The following PARM1 variants were observed in gnomAD, a reference collection of about 807,000 sequenced individuals.
PARM1 encodes prostate androgen-regulated mucin-like protein 1.
A neutral mutation model predicts 24.6 loss-of-function variants in PARM1; 14 were observed. That is an observed-to-expected ratio of 0.57 (90% CI 0.38 to 0.89). The LOEUF is 0.89. PARM1 is among the 40% of genes least tolerant of loss of function. The probability of loss-of-function intolerance (pLI) is 0.00; values close to 1 mark genes in which losing one functional copy is unlikely to be tolerated. For missense variants in PARM1, 362 were observed against 380.4 expected (o/e 0.95, Z 0.40); for synonymous variants, 179 against 156.6 (o/e 1.14, Z -1.07).
intron 2 of PARM1, among the ~76,000 whole-genome samples, chr4:75,028,506 A>G (rs1331207212): frequency 6.6e-6 from 1 of 152,254 alleles, no homozygotes; most frequent in Non-Finnish European, 1.5e-5. Flanking sequence ...GGAAGTGGAA[A>G]GAAAAGCGCA....
At chr4:74,933,459 C>A in intron 1 of PARM1, 89 bp downstream of exon 1, 2 of 1,125,624 alleles carry the variant, frequency 1.8e-6, no homozygotes, top group Non-Finnish European at 2.7e-6. Flanking sequence ...GGAGATCCGG[C>A]AGTGAGTCGC....
intron 1 of PARM1, among the ~76,000 whole-genome samples, chr4:74,952,595 T>A (rs185129579): frequency 1.2e-4 from 18 of 152,334 alleles, no homozygotes; most frequent in African/African-American, 4.3e-4. Flanking sequence ...CTTGAGCTAA[T>A]TTTTGTATAA....
Position 75,044,630 on chromosome 4 carries a change from A to G in PARM1, c.849-1533A>G, listed in dbSNP as rs568105662. Among the ~76,000 whole-genome samples, 122 of 152,324 alleles carry G rather than the reference A, an allele frequency of 8.0e-4. No individual in the cohort carries two copies. The Middle Eastern group carries it at 0.01, about 13-fold the overall frequency. On this transcript the variant is annotated intron_variant, in intron 3 of 3. Coordinates refer to ENST00000307428, the MANE Select transcript of PARM1 (RefSeq NM_015393.4). ...TATAGTATGTTAGAAGGTGAGGAGT[A>G]CTATGAGAAATATTAAGCTGGGAGT... is the stretch of plus-strand genomic sequence containing the variant.
At chr4:74,946,920 T>C (rs371613494) in intron 1 of PARM1, among the ~76,000 whole-genome samples, 2 of 152,222 alleles carry the variant, frequency 1.3e-5, no homozygotes, top group Admixed American at 1.3e-4. Context: ...TTAATTGATT[T>C]ATTTATCTAA....
Position 74,957,601 on chromosome 4 carries a change from A to G in PARM1, c.43+24231A>G, listed in dbSNP as rs532479576. On this transcript the variant is annotated intron_variant, in intron 1 of 3. Transcript: ENST00000307428. ...TCAGCTTTTTCTAAGATGCAGAAGC[A>G]AACAGATGATTCAATATAGAGGTGC... Among the ~76,000 whole-genome samples, 20 of 152,342 alleles carry G rather than the reference A, an allele frequency of 1.3e-4. No individual in the cohort carries two copies. The South Asian group carries it at 3.3e-3, about 25-fold the overall frequency.
At position 75,047,391 on chromosome 4, in the gene PARM1, T is replaced by C. The variant is rs1723627876; in HGVS notation, c.*1144T>C. ...TATTCTTCCCACACACTTACCTTAC[T>C]AAGTCTTTGCTTTAATAAATGAGCA... On this transcript the variant is annotated 3_prime_UTR_variant, in exon 4 of 4. Transcript: ENST00000307428. The C allele has an allele frequency of 6.6e-6, 1 of 152,396 alleles. No homozygotes were observed. Among genetic ancestry groups the C allele is most frequent in the Middle Eastern group, 3.4e-3 (1 of 294 alleles). The allele number at this position is 152,396 out of a possible 1,614,324, so 9.4% of individuals were successfully genotyped here. A position where few individuals can be genotyped will look rare whatever the true frequency, so the allele number is the denominator to read the frequency against.
intron 1 of PARM1, among the ~76,000 whole-genome samples, chr4:74,947,451 A>G (rs569521545): frequency 1.9e-4 from 29 of 152,368 alleles, no homozygotes; most frequent in African/African-American, 5.8e-4. Context: ...GCCAATCACA[A>G]TTATGAACTT....
At position 75,032,038 on chromosome 4, in the gene PARM1, G is replaced by A. The variant is rs186216576; in HGVS notation, c.770-1845G>A. 3.1e-4 allele frequency among the ~76,000 whole-genome samples: 47 copies of A among 152,136 alleles called. 1 individual carries two copies. The highest frequency in any genetic ancestry group is 4.1e-4 in the Non-Finnish European group (28 of 68,018). On this transcript the variant is annotated intron_variant, in intron 2 of 3. Coordinates refer to ENST00000307428, the MANE Select transcript of PARM1 (RefSeq NM_015393.4). ...AACTGACCTCGGACTTTCTCTGCTT[G>A]ACCCAGTCTGCACATTTGAGCATTC...
rs116301145 is a variant in PARM1 at position 75,013,353 on chromosome 4, T to G, written c.769+203T>G. On this transcript the variant is annotated intron_variant, in intron 2 of 3. Coordinates refer to ENST00000307428, the MANE Select transcript of PARM1 (RefSeq NM_015393.4). Reference sequence around the variant, plus strand: ...TGATTCACTGTGGCCAATTGCACCTTTATGACCTGTTTTCACAAGTCATAA... The same window carrying G: ...TGATTCACTGTGGCCAATTGCACCTGTATGACCTGTTTTCACAAGTCATAA... Among the ~76,000 whole-genome samples, 423 of 152,322 alleles carry G rather than the reference T, an allele frequency of 2.8e-3. 2 individuals are homozygous for G. Among genetic ancestry groups the G allele is most frequent in the African/African-American group, 9.4e-3 (391 of 41,578 alleles).
intron 1 of PARM1, among the ~76,000 whole-genome samples, chr4:75,002,518 C>G (rs1722701149): frequency 6.6e-6 from 1 of 151,856 alleles, no homozygotes; most frequent in African/African-American, 2.4e-5. Flanking sequence ...AGGGAGTAAA[C>G]TGGTCTCCCA....
At chr4:74,996,993 A>C (rs1246131711) in intron 1 of PARM1, among the ~76,000 whole-genome samples, 2 of 152,206 alleles carry the variant, frequency 1.3e-5, no homozygotes. Context: ...TGGCTTTTCT[A>C]TATATGACTA....
At chr4:75,017,866 C>G (rs1176370309) in intron 2 of PARM1, among the ~76,000 whole-genome samples, 8 of 152,326 alleles carry the variant, frequency 5.3e-5, no homozygotes, top group African/African-American at 1.9e-4. Context: ...AGCCTTGATC[C>G]TATCATCAGT....
chr4:74,970,708 TC>T (rs1722013846), intron 1 of PARM1, among the ~76,000 whole-genome samples: 1 of 152,212 alleles, frequency 6.6e-6, no homozygotes, highest in African/African-American at 2.4e-5. Flanking sequence ...CCAGGCTGCT[TC>T]CAGCCTGCCT....
chr4:75,027,358 G>T (rs1301417865), intron 2 of PARM1, among the ~76,000 whole-genome samples: 3 of 152,082 alleles, frequency 2.0e-5, no homozygotes, highest in African/African-American at 7.2e-5. Context: ...TGGATTTGGG[G>T]TAAGAGGGAG....
chr4:75,011,207 A>T (rs184016053), intron 1 of PARM1, among the ~76,000 whole-genome samples: 8 of 152,330 alleles, frequency 5.3e-5, no homozygotes, highest in Admixed American at 5.2e-4. Context: ...TGAGATTTGG[A>T]GGGCACATCC....
At chr4:75,012,313 G>A (rs1387597516) in intron 1 of PARM1, 112 bp from the exon 2 acceptor site, 9 of 1,198,362 alleles carry the variant, frequency 7.5e-6, no homozygotes, top group Non-Finnish European at 1.0e-5. Flanking sequence ...AATGCAAAAT[G>A]AGAAATACCT....
chr4:75,003,980 C>T (rs1330369811), intron 1 of PARM1, among the ~76,000 whole-genome samples: 1 of 151,942 alleles, frequency 6.6e-6, no homozygotes, highest in Non-Finnish European at 1.5e-5. Context: ...AGGTGGTCAC[C>T]AAAAGCTGGT....
intron 1 of PARM1, among the ~76,000 whole-genome samples, chr4:74,994,807 A>AATAC (rs1320010220): frequency 1.3e-5 from 2 of 150,664 alleles, no homozygotes; most frequent in Non-Finnish European, 3.0e-5. Context: ...AATATAAATA[A>AATAC]ATAAATAAAT....
At chr4:75,028,398 G>A (rs1295276537) in intron 2 of PARM1, among the ~76,000 whole-genome samples, 2 of 152,192 alleles carry the variant, frequency 1.3e-5, no homozygotes. Context: ...GAGACAAAAT[G>A]TTCCTTTCCT....
Sources: allele counts gnomAD v4.1 joint callset (sites outside exome capture counted in the v4.1 genomes callset), GRCh38; gene constraint gnomAD v4.1.1; transcripts MANE v1.5; gene names NCBI Gene and HGNC (gene_info 2026-07-23, HGNC 2026-07-21).